PTPRD: variants seen among roughly 807,000 people sequenced by gnomAD.
PTPRD encodes the protein receptor-type tyrosine-protein phosphatase delta.
Under a neutral mutation model 214.5 loss-of-function variants are expected in PTPRD, and 34 were observed. The ratio of observed to expected loss-of-function variants is 0.16; its 90% CI spans 0.12 to 0.21. The LOEUF is 0.21. PTPRD is among the 10% of genes least tolerant of loss of function. The probability of loss-of-function intolerance (pLI) is 1.00; values close to 1 mark genes in which losing one functional copy is unlikely to be tolerated. For synonymous variants in PTPRD, 1,128 were observed against 845.7 expected (o/e 1.33, Z -5.79); for missense variants, 2,545 against 2,398.7 (o/e 1.06, Z -1.27).
chr9:9,431,877 G>A (rs1228428433), intron 8 of PTPRD, among the ~76,000 whole-genome samples: 1 of 125,634 alleles, frequency 8.0e-6, no homozygotes, highest in African/African-American at 3.0e-5. Flanking sequence ...CACAGGATGG[G>A]GAACATCACA....
chr9:9,708,096 C>A (rs564184180), intron 7 of PTPRD, among the ~76,000 whole-genome samples: 1 of 152,146 alleles, frequency 6.6e-6, no homozygotes, highest in South Asian at 2.1e-4. Flanking sequence ...GAACTGGCAC[C>A]AATAATGGTA....
chr9:9,740,477 C>A (rs2154449808), intron 6 of PTPRD, among the ~76,000 whole-genome samples: 1 of 152,030 alleles, frequency 6.6e-6, no homozygotes, highest in South Asian at 2.1e-4. Flanking sequence ...CCTGCTTTAG[C>A]CTCCCGAGTA....
At chr9:8,599,401 A>G (rs2094676258) in intron 14 of PTPRD, among the ~76,000 whole-genome samples, 1 of 152,134 alleles carries the variant, frequency 6.6e-6, no homozygotes, top group African/African-American at 2.4e-5. Context: ...TAAAAACAAA[A>G]CAAAAGTCAT....
intron 13 of PTPRD, among the ~76,000 whole-genome samples, chr9:8,635,532 A>G (rs1044475351): frequency 2.6e-5 from 4 of 152,138 alleles, no homozygotes; most frequent in Non-Finnish European, 4.4e-5. Context: ...TCCAATGGCA[A>G]ATTTCTAATT....
At chr9:9,222,822 T>C (rs1348907617) in intron 9 of PTPRD, among the ~76,000 whole-genome samples, 1 of 152,036 alleles carries the variant, frequency 6.6e-6, no homozygotes, top group Non-Finnish European at 1.5e-5. Flanking sequence ...TTTGAAGGAA[T>C]ATATTTTAAT....
chr9:9,721,168 A>T (rs2097934077), intron 7 of PTPRD, among the ~76,000 whole-genome samples: 1 of 109,960 alleles, frequency 9.1e-6, no homozygotes, highest in Non-Finnish European at 1.8e-5. Context: ...AAGTGTGGAT[A>T]AACATCTTTT....
At chr9:9,133,789 A>C (rs1481168541) in intron 10 of PTPRD, among the ~76,000 whole-genome samples, 2 of 152,158 alleles carry the variant, frequency 1.3e-5, no homozygotes, top group African/African-American at 4.8e-5. Flanking sequence ...TTTAGGGAAC[A>C]GGGGCTGAGC....
At chr9:10,579,358 C>A (rs1045950243) in intron 2 of PTPRD, among the ~76,000 whole-genome samples, 1 of 152,116 alleles carries the variant, frequency 6.6e-6, no homozygotes, top group Non-Finnish European at 1.5e-5. Context: ...TAAGTGAGAA[C>A]GTGAAGTATT....
intron 2 of PTPRD, among the ~76,000 whole-genome samples, chr9:10,369,657 C>T (rs1378735789): frequency 1.3e-5 from 2 of 152,102 alleles, no homozygotes; most frequent in Admixed American, 1.3e-4. Context: ...GTAATAATTG[C>T]TGACTGCTGC....
chr9:10,007,615 T>A (rs2096511178), intron 4 of PTPRD, among the ~76,000 whole-genome samples: 1 of 151,910 alleles, frequency 6.6e-6, no homozygotes, highest in Non-Finnish European at 1.5e-5. Flanking sequence ...TGTTTATCTC[T>A]TCCACATCAA....
intron 2 of PTPRD, among the ~76,000 whole-genome samples, chr9:10,430,141 G>T (rs989932778): frequency 3.3e-5 from 5 of 151,910 alleles, no homozygotes. Flanking sequence ...CTCCATAAGG[G>T]AGATGATAAT....
chr9:8,556,504 C>A (rs2083799880), intron 14 of PTPRD, among the ~76,000 whole-genome samples: 1 of 152,024 alleles, frequency 6.6e-6, no homozygotes, highest in Non-Finnish European at 1.5e-5. Context: ...GCTAAAAGCA[C>A]TTAATTAGCA....
At chr9:8,774,970 C>G (rs895228918) in intron 11 of PTPRD, among the ~76,000 whole-genome samples, 3 of 152,180 alleles carry the variant, frequency 2.0e-5, no homozygotes, top group Non-Finnish European at 2.9e-5. Context: ...ATTAAAGTCT[C>G]TACCACCCTG....
chr9:8,792,891 C>A (rs756503320), intron 11 of PTPRD, among the ~76,000 whole-genome samples: 28 of 152,078 alleles, frequency 1.8e-4, no homozygotes, highest in Non-Finnish European at 3.5e-4. Context: ...CCTTAATCAA[C>A]CCCCACAGTT....
intron 5 of PTPRD, among the ~76,000 whole-genome samples, chr9:9,895,407 A>T (rs557934253): frequency 3.3e-5 from 5 of 152,202 alleles, no homozygotes; most frequent in Non-Finnish European, 7.4e-5. Flanking sequence ...TATGTATCTG[A>T]ATAGTTCAAT....
At position 10,059,110 on chromosome 9, in the gene PTPRD, G is replaced by A. The variant is rs966818919; in HGVS notation, c.-544-25320C>T. Among the ~76,000 whole-genome samples the A allele has an allele frequency of 5.9e-5, 9 of 152,020 alleles. No homozygotes were observed. The South Asian group carries it at 6.2e-4, about 10-fold the overall frequency. On this transcript the variant is annotated intron_variant, in intron 3 of 45. Coordinates refer to ENST00000381196, the MANE Select transcript of PTPRD (RefSeq NM_002839.4). The stretch of plus-strand genomic sequence containing the variant: ...GTGTAGAGGCAACTACTTCAGTCTC[G>A]TCTCCCTTGCTAACAGCATTATGTG...
intron 5 of PTPRD, among the ~76,000 whole-genome samples, chr9:9,912,870 T>G (rs1601879206): frequency 6.6e-6 from 1 of 152,142 alleles, no homozygotes; most frequent in East Asian, 1.9e-4. Flanking sequence ...AACTTCCTCA[T>G]AGGAAAGAAC....
At chr9:8,774,094 C>T (rs968193822) in intron 11 of PTPRD, among the ~76,000 whole-genome samples, 3 of 152,128 alleles carry the variant, frequency 2.0e-5, no homozygotes, top group Non-Finnish European at 4.4e-5. Flanking sequence ...TATCTATTTC[C>T]CCACCTTGGA....
chr9:9,114,225 C>T (rs76875458), intron 10 of PTPRD, among the ~76,000 whole-genome samples: 2,416 of 152,196 alleles, frequency 0.016, 44 homozygotes, highest in East Asian at 0.069. Context: ...CAGGGTAGTT[C>T]GGGTGCAAAC....
Sources: gnomAD v4.1 joint callset for allele counts (sites outside exome capture counted in the v4.1 genomes callset) on GRCh38, gnomAD v4.1.1 for gene constraint, MANE v1.5 for transcripts, NCBI Gene and HGNC (gene_info 2026-07-23, HGNC 2026-07-21) for gene names.